Variants in TNNI1 observed in about 807,000 individuals in gnomAD.
The protein encoded by TNNI1 is troponin I, slow skeletal muscle.
In TNNI1, 14 loss-of-function variants were observed where a neutral mutation model predicts 26.7. That is an observed-to-expected ratio of 0.52 (90% CI 0.35 to 0.82). The LOEUF is 0.82. Among genes scored for constraint, TNNI1 ranks in the 40% least tolerant of loss-of-function variants. The pLI is 0.01. For missense variants in TNNI1, 164 were observed against 257.0 expected (o/e 0.64, Z 2.47); for synonymous variants, 79 against 98.2 (o/e 0.80, Z 1.16).
At chr1:201,414,294 CA>C (rs1287515859) in intron 5 of TNNI1, among the ~76,000 whole-genome samples, 3 of 152,236 alleles carry the variant, frequency 2.0e-5, no homozygotes, top group Non-Finnish European at 4.4e-5. Flanking sequence ...CCAGGCAAGT[CA>C]CGCCTCCCCT....
intron 8 of TNNI1, among the ~76,000 whole-genome samples, 192 bp from the exon 9 acceptor site, chr1:201,409,442 G>A (rs1383738971): frequency 6.6e-6 from 1 of 152,150 alleles, no homozygotes; most frequent in African/African-American, 2.4e-5. Flanking sequence ...CTCCCCTTTT[G>A]GGACCCCTCA....
Position 201,415,240 on chromosome 1 carries a change from G to T in TNNI1, c.30C>A (p.Ile10=). 6.2e-7 allele frequency: 1 copy of T among 1,614,170 alleles called. No individual in the cohort carries two copies. MPEVERKPK[I]TASRKLLLKS... is the part of the protein sequence containing the mutation. ...TCAGCAAGAGTTTGCGGGAGGCAGTGATCTTGGGTTTTCTCTGTGGGCAAG... is the reference window on the plus strand; with the variant it reads ...TCAGCAAGAGTTTGCGGGAGGCAGTTATCTTGGGTTTTCTCTGTGGGCAAG... Residue 10 remains isoleucine, a synonymous_variant, in exon 4 of 9, where the codon ATC becomes ATA. Coordinates refer to ENST00000361379, the MANE Select transcript of TNNI1 (RefSeq NM_003281.4).
At chr1:201,409,611 C>T (rs1033854805) in intron 8 of TNNI1, among the ~76,000 whole-genome samples, 1 of 152,346 alleles carries the variant, frequency 6.6e-6, no homozygotes, top group East Asian at 1.9e-4. Flanking sequence ...CCTCAGAGAG[C>T]TCCTCCTCTC....
At chr1:201,417,654 T>C in intron 2 of TNNI1, 129 bp downstream of exon 2, 4 of 718,616 alleles carry the variant, frequency 5.6e-6, no homozygotes, top group East Asian at 3.3e-5. Context: ...GTGCTGCCCC[T>C]GTTTGAGGAC....
chr1:201,418,550 G>A (rs946459922), intron 1 of TNNI1, among the ~76,000 whole-genome samples: 3 of 152,084 alleles, frequency 2.0e-5, no homozygotes, highest in African/African-American at 4.8e-5. Context: ...ACTTTATCCT[G>A]TGGAATAAGG....
intron 4 of TNNI1, 61 bp downstream of exon 4, chr1:201,415,151 TC>T: frequency 7.0e-7 from 1 of 1,426,696 alleles, no homozygotes; most frequent in Non-Finnish European, 9.9e-7. Context: ...CCCTTCAGAG[TC>T]TGCTCTGCTG....
At chr1:201,414,327 G>C (rs116434383) in intron 5 of TNNI1, among the ~76,000 whole-genome samples, 191 bp downstream of exon 5, 1 of 152,236 alleles carries the variant, frequency 6.6e-6, no homozygotes, top group Non-Finnish European at 1.5e-5. Context: ...TTCAGTGCCC[G>C]TAAAATGGAA....
At chr1:201,413,976 A>G (rs1408400151) in intron 5 of TNNI1, among the ~76,000 whole-genome samples, 1 of 152,244 alleles carries the variant, frequency 6.6e-6, no homozygotes, top group Non-Finnish European at 1.5e-5. Flanking sequence ...TAGTTTTCTT[A>G]TGATAAAAGT....
chr1:201,414,430 T>C (rs2102371584), intron 5 of TNNI1, 88 bp downstream of exon 5: 3 of 1,183,904 alleles, frequency 2.5e-6, no homozygotes, highest in African/African-American at 3.1e-5. Context: ...TGAGCTGGTG[T>C]TAGTTCAGGC....
chr1:201,418,291 A>G (rs367571088), intron 1 of TNNI1, among the ~76,000 whole-genome samples: 5 of 151,984 alleles, frequency 3.3e-5, no homozygotes, highest in East Asian at 3.9e-4. Context: ...CAATATGGTC[A>G]AACCCCGTCT....
chr1:201,413,849 T>G (rs1207041602), intron 5 of TNNI1, among the ~76,000 whole-genome samples: 1 of 151,994 alleles, frequency 6.6e-6, no homozygotes. Context: ...AAAGAAAAGG[T>G]CTCACACTAT....
intron 3 of TNNI1, among the ~76,000 whole-genome samples, chr1:201,415,515 A>G (rs76372802): frequency 1.1e-3 from 160 of 152,258 alleles, no homozygotes; most frequent in African/African-American, 3.7e-3. Context: ...GTAAGATACT[A>G]TGAGGGCCAC....
chr1:201,415,367 TCTGCTCACCC>T (rs1662715153), intron 3 of TNNI1, 113 bp from the exon 4 acceptor site: 1 of 1,128,134 alleles, frequency 8.9e-7, no homozygotes, highest in Non-Finnish European at 1.3e-6. Flanking sequence ...TCCGGAATCC[TCTGCTCACCC>T]TACGGTGCCT....
rs1662520330 is a variant in TNNI1 at position 201,406,633 on chromosome 1, A to T, written c.*2620T>A. The T allele has an allele frequency of 6.6e-6, 1 of 152,134 alleles. No individual in the cohort carries two copies. Among genetic ancestry groups the T allele is most frequent in the South Asian group, 2.1e-4 (1 of 4,822 alleles). The allele number at this position is 152,134 out of a possible 1,614,324, so 9.4% of individuals were successfully genotyped here. ...TCCCAGCTCTACTGGTGTTGTCTCCATGGTGAGAGAAGACTGGAGTAGAAT... is the reference window on the plus strand; with the variant it reads ...TCCCAGCTCTACTGGTGTTGTCTCCTTGGTGAGAGAAGACTGGAGTAGAAT... On this transcript the variant is annotated 3_prime_UTR_variant, in exon 9 of 9. Coordinates refer to ENST00000361379, the MANE Select transcript of TNNI1 (RefSeq NM_003281.4).
In TNNI1 at chr1:201,405,525, C is replaced by T. The variant is rs1256944; in HGVS notation, c.*3728G>A. The T allele has an allele frequency of 0.43, 66,063 of 152,782 alleles. 14,669 individuals are homozygous for T. The highest frequency in any genetic ancestry group is 0.53 in the African/African-American group (22,097 of 41,474). The allele number at this position is 152,782 out of a possible 1,614,324, so 9.5% of individuals were successfully genotyped here. ...CCACCTGGAACGAAGCTAACCCCCCCGCCCCCGGCTGCCCAGCCCAGAGAC... is the reference window on the plus strand; with the variant it reads ...CCACCTGGAACGAAGCTAACCCCCCTGCCCCCGGCTGCCCAGCCCAGAGAC... On this transcript the variant is annotated 3_prime_UTR_variant, in exon 9 of 9. Coordinates refer to ENST00000361379, the MANE Select transcript of TNNI1 (RefSeq NM_003281.4).
chr1:201,411,646 A>C lies in TNNI1; in HGVS notation c.280-113T>G, dbSNP rs1662638201. 8.7e-7 allele frequency: 1 copy of C among 1,149,078 alleles called. No homozygotes were observed. The highest frequency in any genetic ancestry group is 3.1e-5 in the East Asian group (1 of 32,766). The allele number at this position is 1,149,078 out of a possible 1,614,324, so 71.2% of individuals were successfully genotyped here. Reference sequence around the variant, plus strand: ...GCCAGAGATACACCTTAAATTGTCCACCCTTGAAGCCAGACCTATCAGCAG... The same window carrying C: ...GCCAGAGATACACCTTAAATTGTCCCCCCTTGAAGCCAGACCTATCAGCAG... On this transcript the variant is annotated intron_variant, in intron 6 of 8. Transcript: ENST00000361379. This position sits in a 1 kb window ranked among gnomAD's most constrained non-coding sequence, Gnocchi z 4.6.
intron 3 of TNNI1, 126 bp from the exon 4 acceptor site, chr1:201,415,380 C>T (rs1030295636): frequency 5.7e-5 from 56 of 976,316 alleles, no homozygotes; most frequent in Middle Eastern, 2.1e-4. Flanking sequence ...GCTCACCCTA[C>T]GGTGCCTTAA....
At position 201,414,565 on chromosome 1, in the gene TNNI1, G is replaced by C. The variant is rs142145258; in HGVS notation, c.142C>G (p.Arg48Gly). 1.2e-6 allele frequency: 2 copies of C among 1,613,290 alleles called. No individual in the cohort carries two copies. Among genetic ancestry groups the C allele is most frequent in the Non-Finnish European group, 1.7e-6 (2 of 1,179,874 alleles). The change falls in exon 5 of 9, where the codon CGC becomes GGC. Residue 48 changes from arginine (R) to glycine (G), a missense_variant. Arg to Gly is a moderately radical substitution (Grantham distance 125). Around this residue, in one of 3 missense-constraint regions of TNNI1, gnomAD observed 117 missense variants for 158.7 expected, o/e 0.74. Transcript: ENST00000361379. ...EAEKVRYLAE[R>G]IPTLQTRGLS... ...CCACGGGTCTGCAGCGTGGGGATGC[G>C]CTCTGCCAGGTAGCGCACCTTCTCA...
chr1:201,417,228 AG>A, intron 2 of TNNI1, 109 bp from the exon 3 acceptor site: 1 of 1,454,188 alleles, frequency 6.9e-7, no homozygotes, highest in Non-Finnish European at 9.7e-7. Flanking sequence ...AGCTTGGGGG[AG>A]GAGGGGGCCA....
Sources: gnomAD v4.1 joint callset for allele counts (sites outside exome capture counted in the v4.1 genomes callset) on GRCh38, gnomAD v4.1.1 for gene constraint, gnomAD v4.1.1 regional missense constraint, Gnocchi (gnomAD v3.1) non-coding constraint, MANE v1.5 for transcripts, NCBI Gene and HGNC (gene_info 2026-07-23, HGNC 2026-07-21) for gene names.